The following PPIG variants were observed in gnomAD, a reference collection of about 807,000 sequenced individuals.
The protein encoded by PPIG is peptidylprolyl isomerase G, also known as peptidyl-prolyl cis-trans isomerase G.
PPIG carries 26 observed loss-of-function variants against 87.9 expected under a neutral mutation model. That is an observed-to-expected ratio of 0.30 (90% CI 0.22 to 0.41). The LOEUF (loss-of-function observed/expected upper bound fraction) is 0.41. PPIG is among the 10% of genes least tolerant of loss of function. The pLI, the probability that PPIG is intolerant of heterozygous loss-of-function variation, is 1.00. For synonymous variants in PPIG, 308 were observed against 276.5 expected, an observed-to-expected ratio of 1.11 and a Z score of -1.13; for missense variants, 722 against 879.4, an observed-to-expected ratio of 0.82 and a Z score of 2.26.
At chr2:169,633,132 T>G in intron 11 of PPIG, 28 bp from the exon 12 acceptor site, 1 of 1,520,928 alleles carries the variant, frequency 6.6e-7, no homozygotes, top group Non-Finnish European at 9.1e-7. Flanking sequence ...TAAAAAAATG[T>G]GTTAACTTTC....
At chr2:169,599,876 T>G (rs1685128495) in intron 1 of PPIG, among the ~76,000 whole-genome samples, 1 of 152,150 alleles carries the variant, frequency 6.6e-6, no homozygotes, top group Non-Finnish European at 1.5e-5. Flanking sequence ...CAATGTATTT[T>G]CCCCAATTTT....
In PPIG at chr2:169,638,563, A is replaced by G. The variant is rs1275067846; in HGVS notation, c.*1040A>G. On this transcript the variant is annotated 3_prime_UTR_variant, in exon 14 of 14. Coordinates refer to ENST00000260970, the MANE Select transcript of PPIG (RefSeq NM_004792.3). ...GCTGTGAGTTCCAAATGGCAAGAAAATGCATCTTTTCTATATATGTATCAC... is the reference window on the plus strand; with the variant it reads ...GCTGTGAGTTCCAAATGGCAAGAAAGTGCATCTTTTCTATATATGTATCAC... 1 of 151,976 alleles carries G rather than the reference A, an allele frequency of 6.6e-6. No individual in the cohort carries two copies. The highest frequency in any genetic ancestry group is 1.9e-4 in the East Asian group (1 of 5,192). The allele number at this position is 151,976 out of a possible 1,614,324, so 9.4% of individuals were successfully genotyped here. A position where few individuals can be genotyped will look rare whatever the true frequency, so the allele number is the denominator to read the frequency against.
At chr2:169,591,745 G>T (rs1684867408) in intron 1 of PPIG, among the ~76,000 whole-genome samples, 1 of 150,316 alleles carries the variant, frequency 6.7e-6, no homozygotes, top group Non-Finnish European at 1.5e-5. Context: ...TATGCTGATT[G>T]CTGTGTAGAA....
chr2:169,635,045 T>C (rs1383271625), intron 12 of PPIG, among the ~76,000 whole-genome samples: 2 of 139,896 alleles, frequency 1.4e-5, no homozygotes, highest in Non-Finnish European at 3.3e-5. Flanking sequence ...AATAACACTA[T>C]TGTATGATAA....
intron 4 of PPIG, among the ~76,000 whole-genome samples, chr2:169,605,085 G>C (rs1283010855): frequency 6.6e-6 from 1 of 152,202 alleles, no homozygotes; most frequent in Non-Finnish European, 1.5e-5. Flanking sequence ...TGTAACCCCA[G>C]CACTTTGGAA....
At chr2:169,606,729 T>C (rs1307098080) in intron 5 of PPIG, among the ~76,000 whole-genome samples, 7 of 152,120 alleles carry the variant, frequency 4.6e-5, no homozygotes, top group African/African-American at 1.7e-4. Context: ...TTTGATTTTG[T>C]CACAAGTGGT....
At chr2:169,592,978 ATCTT>A (rs937233615) in intron 1 of PPIG, among the ~76,000 whole-genome samples, 1 of 152,092 alleles carries the variant, frequency 6.6e-6, no homozygotes, top group Admixed American at 6.6e-5. Context: ...GCTGCCTTTC[ATCTT>A]TCTTGCATTT....
intron 1 of PPIG, among the ~76,000 whole-genome samples, chr2:169,599,568 A>G (rs941186343): frequency 2.6e-5 from 4 of 152,238 alleles, no homozygotes; most frequent in African/African-American, 9.6e-5. Flanking sequence ...ATATGAATAT[A>G]TTCAAGATTC....
At chr2:169,630,643 TC>T in intron 9 of PPIG, 130 bp from the exon 10 acceptor site, 1 of 741,656 alleles carries the variant, frequency 1.3e-6, no homozygotes, top group Non-Finnish European at 2.3e-6. Flanking sequence ...TTCCTGTACT[TC>T]CCAGTTCACA....
intron 9 of PPIG, among the ~76,000 whole-genome samples, chr2:169,623,182 C>T (rs557614130): frequency 2.0e-5 from 3 of 152,228 alleles, no homozygotes; most frequent in Non-Finnish European, 4.4e-5. Flanking sequence ...AAAGCTGCAT[C>T]CCCTGTAGAG....
chr2:169,637,138 A>T lies in PPIG; in HGVS notation c.1880A>T (p.Asp627Val). ...RSKDRRRRRR[D>V]SRSSEREESQ... The stretch of plus-strand genomic sequence containing the variant: ...AAAGATAGGAGGAGAAGGAGGAGAG[A>T]CTCACGGAGCTCAGAGAGAGAAGAA... Residue 627 changes from aspartate to valine, a missense_variant, in exon 14 of 14, where the codon GAC (aspartate) becomes GTC (valine). Around this residue, in one of 4 missense-constraint regions of PPIG, gnomAD observed 476 missense variants for 483.1 expected, o/e 0.99. Coordinates refer to ENST00000260970, the MANE Select transcript of PPIG (RefSeq NM_004792.3). 1 of 1,612,348 alleles carries T rather than the reference A, an allele frequency of 6.2e-7. No homozygotes were observed. Among genetic ancestry groups the T allele is most frequent in the South Asian group, 1.1e-5 (1 of 90,904 alleles).
chr2:169,631,714 T>G, intron 10 of PPIG, 52 bp from the exon 11 acceptor site: 1 of 1,611,280 alleles, frequency 6.2e-7, no homozygotes, highest in Non-Finnish European at 8.5e-7. Flanking sequence ...GATACTTCCG[T>G]AAGGACATAA....
chr2:169,613,373 C>G (rs1685539712), intron 7 of PPIG, among the ~76,000 whole-genome samples: 1 of 152,038 alleles, frequency 6.6e-6, no homozygotes, highest in East Asian at 1.9e-4. Flanking sequence ...CAAAGATTAG[C>G]ATAAATTATG....
At chr2:169,593,419 C>T (rs1684923681) in intron 1 of PPIG, among the ~76,000 whole-genome samples, 1 of 151,914 alleles carries the variant, frequency 6.6e-6, no homozygotes, top group African/African-American at 2.4e-5. Flanking sequence ...TGGTCATGAA[C>T]TCCTGACCTC....
At chr2:169,619,770 C>T (rs1685694802) in intron 9 of PPIG, among the ~76,000 whole-genome samples, 1 of 151,810 alleles carries the variant, frequency 6.6e-6, no homozygotes, top group African/African-American at 2.4e-5. Context: ...TTATAATAGC[C>T]ATTGTAACAG....
intron 9 of PPIG, among the ~76,000 whole-genome samples, chr2:169,627,189 T>C (rs565092038): frequency 1.3e-5 from 2 of 152,130 alleles, no homozygotes; most frequent in South Asian, 4.2e-4. Flanking sequence ...ATCTCCACCT[T>C]TGGGGTTCAA....
chr2:169,634,915 G>A (rs1454747406), intron 12 of PPIG, among the ~76,000 whole-genome samples: 3 of 152,012 alleles, frequency 2.0e-5, no homozygotes, highest in African/African-American at 7.3e-5. Context: ...GTTGGTGTGG[G>A]TTATATCTAT....
rs1192529358 is a variant in PPIG, at chr2:169,641,092, A to T, written c.*3569A>T. ...GTGTGTATATAGTATTTTGAAAGAT[A>T]AATGAATTGGGTATTTGTATGTGGG... On this transcript the variant is annotated 3_prime_UTR_variant, in exon 14 of 14. Coordinates refer to ENST00000260970, the MANE Select transcript of PPIG (RefSeq NM_004792.3). 2 of 152,124 alleles carry T rather than the reference A, an allele frequency of 1.3e-5. No individual in the cohort carries two copies. The highest frequency in any genetic ancestry group is 2.9e-5 in the Non-Finnish European group (2 of 68,014). The allele number at this position is 152,124 out of a possible 1,614,324, so 9.4% of individuals were successfully genotyped here.
intron 9 of PPIG, among the ~76,000 whole-genome samples, chr2:169,619,722 C>T (rs998458408): frequency 2.0e-5 from 3 of 151,918 alleles, no homozygotes; most frequent in Admixed American, 1.3e-4. Flanking sequence ...ACAAGAGTGT[C>T]CTTTTCTTCA....
Sources: gnomAD v4.1 joint callset for allele counts (sites outside exome capture counted in the v4.1 genomes callset) on GRCh38, gnomAD v4.1.1 for gene constraint, gnomAD v4.1.1 regional missense constraint, MANE v1.5 for transcripts, NCBI Gene and HGNC (gene_info 2026-07-23, HGNC 2026-07-21) for gene names.